The following NPEPPS variants were observed in gnomAD, a reference collection of about 807,000 sequenced individuals.
NPEPPS encodes aminopeptidase puromycin sensitive, also known as puromycin-sensitive aminopeptidase.
A neutral mutation model predicts 115.5 loss-of-function variants in NPEPPS; 14 were observed. The observed-to-expected ratio is 0.12, with a 90% CI of 0.08 to 0.19. The LOEUF (loss-of-function observed/expected upper bound fraction) is 0.19, where lower values mean the gene tolerates loss of function less well. Among genes scored for constraint, NPEPPS ranks in the 10% least tolerant of loss-of-function variants. The pLI is 1.00. For synonymous variants in NPEPPS, 285 were observed against 390.6 expected, an observed-to-expected ratio of 0.73 and a Z score of 3.19; for missense variants, 523 against 1,110.8, an observed-to-expected ratio of 0.47 and a Z score of 7.52.
intron 5 of NPEPPS, among the ~76,000 whole-genome samples, chr17:47,585,056 T>C (rs1385931469): frequency 2.6e-5 from 4 of 152,194 alleles, no homozygotes; most frequent in Admixed American, 2.6e-4. Flanking sequence ...CTTGATCTCC[T>C]GACCTTGTGA....
intron 2 of NPEPPS, among the ~76,000 whole-genome samples, chr17:47,569,092 T>C (rs1911029987): frequency 1.3e-5 from 2 of 152,194 alleles, no homozygotes; most frequent in Non-Finnish European, 2.9e-5. Flanking sequence ...CAAATGTTCA[T>C]GAGTAAGACT....
intron 19 of NPEPPS, among the ~76,000 whole-genome samples, chr17:47,617,756 A>G (rs1914300875): frequency 6.6e-6 from 1 of 152,198 alleles, no homozygotes; most frequent in Non-Finnish European, 1.5e-5. Flanking sequence ...GATAGATTTT[A>G]CCTCTTAGAT....
At chr17:47,579,916 A>ATT in intron 4 of NPEPPS, 1 of 120,380 alleles carries the variant, frequency 8.3e-6, no homozygotes, top group South Asian at 1.7e-4. Flanking sequence ...GCTGTCTTTG[A>ATT]TTTTTTTTTT....
chr17:47,579,721 T>C, intron 4 of NPEPPS: 1 of 435,142 alleles, frequency 2.3e-6, no homozygotes. Flanking sequence ...TATATACAGT[T>C]ATACACACAG....
intron 2 of NPEPPS, among the ~76,000 whole-genome samples, chr17:47,559,074 T>TGCTCTGTCACCCAG (rs1274663895): frequency 6.6e-6 from 1 of 151,772 alleles, no homozygotes; most frequent in African/African-American, 2.4e-5. Flanking sequence ...GATAGGGTCT[T>TGCTCTGTCACCCAG]GCTCTGTCAC....
chr17:47,589,025 C>T (rs1597866541), intron 9 of NPEPPS, among the ~76,000 whole-genome samples: 1 of 152,198 alleles, frequency 6.6e-6, no homozygotes, highest in East Asian at 1.9e-4. Flanking sequence ...AAGCAATCCT[C>T]CTGTCTCTGC....
At chr17:47,535,128 A>G (rs932541177) in intron 1 of NPEPPS, among the ~76,000 whole-genome samples, 2 of 148,136 alleles carry the variant, frequency 1.4e-5, no homozygotes, top group African/African-American at 5.0e-5. Context: ...CTGTAGTCCC[A>G]GCTGCTCAGG....
Position 47,569,504 on chromosome 17 carries a change from A to G in NPEPPS, c.418+10A>G, listed in dbSNP as rs747483039. The G allele has an allele frequency of 2.4e-6, 3 of 1,228,402 alleles. No homozygotes were observed. Among genetic ancestry groups the G allele is most frequent in the Admixed American group, 2.0e-5 (1 of 49,380 alleles). The allele number at this position is 1,228,402 out of a possible 1,614,324, so 76.1% of individuals were successfully genotyped here. A position where few individuals can be genotyped will look rare whatever the true frequency, so the allele number is the denominator to read the frequency against. ...AGTACTCTGCAAACAGGTAAGAGAC[A>G]TAGCTTTTGTAAAATCTCGTGATGA... On this transcript the variant is annotated intron_variant, in intron 3 of 22. Coordinates refer to ENST00000322157, the MANE Select transcript of NPEPPS (RefSeq NM_006310.4).
chr17:47,546,073 TGAGA>T (rs1555603845), intron 2 of NPEPPS, 80 bp downstream of exon 2: 183 of 1,265,552 alleles, frequency 1.4e-4, no homozygotes, highest in African/African-American at 1.7e-4. Flanking sequence ...TGTGTGTGTG[TGAGA>T]GAGAGAGAGA....
intron 9 of NPEPPS, 140 bp downstream of exon 9, chr17:47,587,484 C>G: frequency 1.4e-6 from 1 of 704,990 alleles, no homozygotes; most frequent in Non-Finnish European, 2.1e-6. Context: ...TTTAAAAGGT[C>G]CACTTTGAAA....
intron 2 of NPEPPS, among the ~76,000 whole-genome samples, chr17:47,562,823 A>T (rs1427137718): frequency 6.6e-6 from 1 of 151,590 alleles, no homozygotes; most frequent in Non-Finnish European, 1.5e-5. Context: ...TTTAAAAACC[A>T]TTTGTGTTTC....
intron 14 of NPEPPS, among the ~76,000 whole-genome samples, 172 bp from the exon 15 acceptor site, chr17:47,601,436 T>G (rs1344732994): frequency 2.0e-5 from 3 of 152,176 alleles, no homozygotes; most frequent in African/African-American, 7.2e-5. Flanking sequence ...AAATGATCCC[T>G]TCCTTTGCAC....
At chr17:47,550,099 T>C (rs1248236147) in intron 2 of NPEPPS, among the ~76,000 whole-genome samples, 3 of 151,740 alleles carry the variant, frequency 2.0e-5, no homozygotes, top group South Asian at 4.2e-4. Flanking sequence ...CACGCCCAGC[T>C]AATTTTTGTA....
rs553741918 is a variant in NPEPPS at position 47,588,934 on chromosome 17, T to C, written c.1095+1590T>C. On this transcript the variant is annotated intron_variant, in intron 9 of 22. Coordinates refer to ENST00000322157, the MANE Select transcript of NPEPPS (RefSeq NM_006310.4). Reference sequence around the variant, plus strand: ...CTTAATATCAAAATAATTTTTTTTTTAAGACAGAGTCTCACTCTGTCACTT... The same window carrying C: ...CTTAATATCAAAATAATTTTTTTTTCAAGACAGAGTCTCACTCTGTCACTT... Among the ~76,000 whole-genome samples, 14 of 152,280 alleles carry C rather than the reference T, an allele frequency of 9.2e-5. No individual in the cohort carries two copies. In the East Asian group the frequency reaches 2.7e-3, roughly 29 times the overall value.
At position 47,534,531 on chromosome 17, in the gene NPEPPS, A is replaced by G. The variant is rs151075713; in HGVS notation, c.255+2976A>G. On this transcript the variant is annotated intron_variant, in intron 1 of 22. Coordinates refer to ENST00000322157, the MANE Select transcript of NPEPPS (RefSeq NM_006310.4). The stretch of plus-strand genomic sequence containing the variant: ...CCCAGAGTATTTGTGTAGGTTACAT[A>G]TTAGAAACTTAGTGGATTTATTTTA... Among the ~76,000 whole-genome samples the G allele has an allele frequency of 4.7e-3, 715 of 152,226 alleles. 3 individuals are homozygous for G. Among genetic ancestry groups the G allele is most frequent in the African/African-American group, 0.017 (694 of 41,538 alleles).
intron 12 of NPEPPS, among the ~76,000 whole-genome samples, chr17:47,595,212 T>G (rs1421682850): frequency 1.3e-5 from 2 of 152,190 alleles, no homozygotes; most frequent in East Asian, 3.9e-4. Context: ...ATTGCAGGTG[T>G]GAGCCACTGC....
intron 2 of NPEPPS, among the ~76,000 whole-genome samples, chr17:47,567,976 A>G (rs1319507536): frequency 6.6e-6 from 1 of 152,094 alleles, no homozygotes; most frequent in Non-Finnish European, 1.5e-5. Context: ...GTATACAAAC[A>G]TTATGTGGAC....
At chr17:47,526,376 G>T (rs1490425043), upstream of NPEPPS, among the ~76,000 whole-genome samples, 1 of 152,206 alleles carries the variant, frequency 6.6e-6, no homozygotes, top group Non-Finnish European at 1.5e-5. Flanking sequence ...TTGAAGGAAG[G>T]GAGGGGCCCC....
chr17:47,549,633 A>G (rs1183078573), intron 2 of NPEPPS, among the ~76,000 whole-genome samples: 3 of 151,522 alleles, frequency 2.0e-5, no homozygotes, highest in Non-Finnish European at 4.4e-5. Flanking sequence ...CACAAAAATT[A>G]GCTGGGCGTG....
Sources: gnomAD v4.1 joint callset for allele counts (sites outside exome capture counted in the v4.1 genomes callset) on GRCh38, gnomAD v4.1.1 for gene constraint, MANE v1.5 for transcripts, NCBI Gene and HGNC (gene_info 2026-07-23, HGNC 2026-07-21) for gene names.